The following AGMO variants were observed in gnomAD, a reference collection of about 807,000 sequenced individuals.
AGMO encodes alkylglycerol monooxygenase, also known as glyceryl-ether monooxygenase.
In AGMO, 75 loss-of-function variants were observed where a neutral mutation model predicts 60.2. The ratio of observed to expected loss-of-function variants is 1.25; its 90% CI spans 1.03 to 1.51. AGMO has a LOEUF of 1.51. AGMO is among the 40% of genes most tolerant of loss of function. AGMO has a pLI of 0.00. For missense variants in AGMO, 763 were observed against 525.5 expected (o/e 1.45, Z -4.42); for synonymous variants, 261 against 177.1 (o/e 1.47, Z -3.76).
intron 12 of AGMO, among the ~76,000 whole-genome samples, chr7:15,246,268 T>A (rs1035562824): frequency 2.6e-5 from 4 of 152,020 alleles, no homozygotes; most frequent in Admixed American, 2.6e-4. Context: ...GAATAGGCTG[T>A]ATTTGGTACT....
At chr7:15,531,612 T>TATATATTCTATATATATATTC (rs1784364868) in intron 3 of AGMO, among the ~76,000 whole-genome samples, 1 of 119,702 alleles carries the variant, frequency 8.4e-6, no homozygotes, top group Non-Finnish European at 1.7e-5. Flanking sequence ...ATATATTCTA[T>TATATATTCTATATATATATTC]GTATATTCTA....
chr7:15,319,402 C>T (rs1478202409), intron 12 of AGMO, among the ~76,000 whole-genome samples: 1 of 152,032 alleles, frequency 6.6e-6, no homozygotes, highest in African/African-American at 2.4e-5. Context: ...GAGAGGCCCT[C>T]ATAAAACAAC....
chr7:15,421,404 GA>G (rs1229633932), intron 4 of AGMO, among the ~76,000 whole-genome samples: 1 of 152,086 alleles, frequency 6.6e-6, no homozygotes, highest in Non-Finnish European at 1.5e-5. Flanking sequence ...TGGGCATAAG[GA>G]AACAATTCAC....
At chr7:15,494,113 C>T (rs534264210) in intron 3 of AGMO, among the ~76,000 whole-genome samples, 25 of 152,082 alleles carry the variant, frequency 1.6e-4, no homozygotes, top group Non-Finnish European at 3.4e-4. Flanking sequence ...GTGCCATATA[C>T]GTCTAGGATT....
intron 12 of AGMO, among the ~76,000 whole-genome samples, chr7:15,305,069 T>A (rs1001278390): frequency 6.6e-6 from 1 of 151,836 alleles, no homozygotes; most frequent in Admixed American, 6.6e-5. Context: ...AATATATAAA[T>A]AAAAGTGTTA....
chr7:15,391,764 A>C (rs1784148202), intron 6 of AGMO, among the ~76,000 whole-genome samples: 1 of 152,168 alleles, frequency 6.6e-6, no homozygotes, highest in Non-Finnish European at 1.5e-5. Flanking sequence ...GTTCTGAATT[A>C]GTAGGGAAGC....
At chr7:15,382,385 G>A (rs1188488914) in intron 10 of AGMO, among the ~76,000 whole-genome samples, 2 of 152,056 alleles carry the variant, frequency 1.3e-5, no homozygotes, top group Non-Finnish European at 2.9e-5. Context: ...TGTATCCTGA[G>A]GGCAAGAATT....
chr7:15,534,765 A>G (rs890644477), intron 3 of AGMO, among the ~76,000 whole-genome samples: 13 of 151,902 alleles, frequency 8.6e-5, no homozygotes, highest in Admixed American at 3.9e-4. Flanking sequence ...AAGTATTATT[A>G]TCCCCAGCTA....
the AGMO span, among the ~76,000 whole-genome samples, chr7:15,168,931 T>G: frequency 1.6e-4 from 24 of 152,290 alleles, no homozygotes; most frequent in East Asian, 4.5e-3. Context: ...TTGGAAGTCA[T>G]TTAGAATGAA....
chr7:15,279,365 A>ACTTGAATTG (rs1783896751), intron 12 of AGMO, among the ~76,000 whole-genome samples: 1 of 152,120 alleles, frequency 6.6e-6, no homozygotes, highest in Non-Finnish European at 1.5e-5. Flanking sequence ...TAGAAGATCT[A>ACTTGAATTG]CTTGAATTGT....
chr7:15,253,777 T>A (rs1212110104), intron 12 of AGMO, among the ~76,000 whole-genome samples: 1 of 152,158 alleles, frequency 6.6e-6, no homozygotes, highest in Admixed American at 6.5e-5. Flanking sequence ...TACTGTGCAA[T>A]AGAGTACCAG....
intron 2 of AGMO, among the ~76,000 whole-genome samples, chr7:15,555,290 TATACACACACACAC>T (rs1334876921): frequency 2.3e-4 from 24 of 103,642 alleles, no homozygotes; most frequent in African/African-American, 6.1e-4. Context: ...TATATATATA[TATACACACACACAC>T]ACACACACAC....
chr7:15,538,949 G>A (rs1477829945), intron 3 of AGMO, among the ~76,000 whole-genome samples: 2 of 151,924 alleles, frequency 1.3e-5, no homozygotes, highest in Non-Finnish European at 2.9e-5. Context: ...ATGTGTTGAG[G>A]AAAAAAAGTT....
At chr7:15,400,280 C>T (rs1409880282) in intron 5 of AGMO, among the ~76,000 whole-genome samples, 1 of 152,060 alleles carries the variant, frequency 6.6e-6, no homozygotes, top group African/African-American at 2.4e-5. Context: ...CACCACCCCC[C>T]CAAGCAATTT....
intron 3 of AGMO, among the ~76,000 whole-genome samples, chr7:15,438,232 A>G (rs1781454860): frequency 6.6e-6 from 1 of 151,788 alleles, no homozygotes; most frequent in South Asian, 2.1e-4. Flanking sequence ...TTAAAAATCT[A>G]AATTATATTG....
intron 5 of AGMO, among the ~76,000 whole-genome samples, chr7:15,410,205 C>CT (rs1429891366): frequency 1.3e-5 from 2 of 151,396 alleles, no homozygotes; most frequent in Admixed American, 6.6e-5. Context: ...CACCATTTAA[C>CT]TTTTTTTTAT....
chr7:15,554,411 T>C (rs1209298167), intron 2 of AGMO, among the ~76,000 whole-genome samples: 2 of 152,066 alleles, frequency 1.3e-5, no homozygotes, highest in Non-Finnish European at 2.9e-5. Flanking sequence ...TAAGTTTGAA[T>C]GTAAGACCAG....
At chr7:15,202,804 C>A (rs1781333845) in intron 12 of AGMO, among the ~76,000 whole-genome samples, 1 of 152,064 alleles carries the variant, frequency 6.6e-6, no homozygotes, top group Non-Finnish European at 1.5e-5. Context: ...GACCTCATGG[C>A]ACTTCTTCTG....
intron 12 of AGMO, among the ~76,000 whole-genome samples, chr7:15,221,841 G>A (rs1052949742): frequency 6.6e-6 from 1 of 152,104 alleles, no homozygotes; most frequent in Non-Finnish European, 1.5e-5. Context: ...CCGTGAACTA[G>A]AAGATAATTG....
Sources: gnomAD v4.1 joint callset for allele counts (sites outside exome capture counted in the v4.1 genomes callset) on GRCh38, gnomAD v4.1.1 for gene constraint, MANE v1.5 for transcripts, NCBI Gene and HGNC (gene_info 2026-07-23, HGNC 2026-07-21) for gene names.